Variants in PPM1E observed in about 807,000 individuals in gnomAD.
The protein encoded by PPM1E is protein phosphatase, Mg2+/Mn2+ dependent 1E.
A neutral mutation model predicts 65.9 loss-of-function variants in PPM1E; 20 were observed. The observed-to-expected ratio is 0.30, with a 90% CI of 0.21 to 0.44. PPM1E has a LOEUF of 0.44. PPM1E is among the 20% of genes least tolerant of loss of function. The pLI is 1.00. For synonymous variants in PPM1E, 352 were observed against 374.9 expected (o/e 0.94, Z 0.70); for missense variants, 713 against 953.1 (o/e 0.75, Z 3.32).
intron 1 of PPM1E, among the ~76,000 whole-genome samples, chr17:58,817,668 A>G (rs1359846950): frequency 2.0e-5 from 3 of 152,198 alleles, no homozygotes; most frequent in Non-Finnish European, 4.4e-5. Context: ...GGGACTCCCA[A>G]GCATTCTGAA....
chr17:58,979,023 G>A (rs924626661), intron 6 of PPM1E, among the ~76,000 whole-genome samples: 4 of 152,098 alleles, frequency 2.6e-5, no homozygotes, highest in Non-Finnish European at 5.9e-5. Context: ...TCCCTCAATT[G>A]AGGCAACTTC....
chr17:58,885,316 C>T (rs529776634), intron 1 of PPM1E, among the ~76,000 whole-genome samples: 1 of 152,308 alleles, frequency 6.6e-6, no homozygotes, highest in South Asian at 2.1e-4. Context: ...CTTGCCCTCC[C>T]AAAGTGTTGG....
chr17:58,772,233 G>A (rs911255746), intron 1 of PPM1E, among the ~76,000 whole-genome samples: 3 of 152,026 alleles, frequency 2.0e-5, no homozygotes, highest in Non-Finnish European at 2.9e-5. Flanking sequence ...CCAAGGCAGG[G>A]GATCACAAGG....
intron 1 of PPM1E, among the ~76,000 whole-genome samples, chr17:58,777,508 T>C (rs1306953100): frequency 6.6e-6 from 1 of 152,196 alleles, no homozygotes. Flanking sequence ...TTTCTAAATA[T>C]GACACCAGTA....
chr17:58,840,251 T>C (rs1270279242), intron 1 of PPM1E, among the ~76,000 whole-genome samples: 1 of 152,192 alleles, frequency 6.6e-6, no homozygotes, highest in Admixed American at 6.5e-5. Flanking sequence ...AGAGTTTTTG[T>C]TGGGGCTTGG....
chr17:58,795,172 A>G (rs2050194482), intron 1 of PPM1E, among the ~76,000 whole-genome samples: 1 of 152,144 alleles, frequency 6.6e-6, no homozygotes, highest in African/African-American at 2.4e-5. Context: ...GATTACAGGC[A>G]TGATCCACCA....
chr17:58,969,480 G>A lies in PPM1E; in HGVS notation c.784-59G>A, dbSNP rs765817460. On this transcript the variant is annotated intron_variant, in intron 3 of 6. Transcript: ENST00000308249. ...TGGGCAACAATGATGCCAGGAGATT[G>A]GTTCATTTGAATCATGCTATACCCA... is the stretch of plus-strand genomic sequence containing the variant. The A allele has an allele frequency of 1.7e-5, 25 of 1,507,390 alleles. No homozygotes were observed. In the Middle Eastern group the frequency reaches 6.8e-4, roughly 41 times the overall value. 93.4% of individuals were successfully genotyped at this position (1,507,390 alleles called of 1,614,324 possible). A position where few individuals can be genotyped will look rare whatever the true frequency, so the allele number is the denominator to read the frequency against.
At chr17:58,874,504 A>G (rs914694201) in intron 1 of PPM1E, among the ~76,000 whole-genome samples, 3 of 152,244 alleles carry the variant, frequency 2.0e-5, no homozygotes, top group Non-Finnish European at 4.4e-5. Context: ...ATCTTCCCAG[A>G]TGAAAATTAT....
chr17:58,857,318 A>G (rs567301670), intron 1 of PPM1E, among the ~76,000 whole-genome samples: 2 of 152,114 alleles, frequency 1.3e-5, no homozygotes, highest in African/African-American at 4.8e-5. Flanking sequence ...GTTTTGCTAC[A>G]ATAACAGTGG....
At position 58,985,101 on chromosome 17, in the gene PPM1E, A is replaced by G. The variant is rs1835133026; in HGVS notation, c.*4070A>G. On this transcript the variant is annotated 3_prime_UTR_variant, in exon 7 of 7. Coordinates refer to ENST00000308249, the MANE Select transcript of PPM1E (RefSeq NM_014906.5). ...AGTCATGAGTGATCCTTCATATTTT[A>G]TTAAAAGTGTTCATTCAGGTAAGGT... 6.6e-6 allele frequency: 1 copy of G among 152,666 alleles called. No individual in the cohort carries two copies. The highest frequency in any genetic ancestry group is 2.1e-4 in the South Asian group (1 of 4,832). 9.5% of individuals were successfully genotyped at this position (152,666 alleles called of 1,614,324 possible). A position where few individuals can be genotyped will look rare whatever the true frequency, so the allele number is the denominator to read the frequency against.
intron 1 of PPM1E, among the ~76,000 whole-genome samples, chr17:58,933,799 GAAA>G (rs11316367): frequency 2.3e-5 from 3 of 128,590 alleles, no homozygotes; most frequent in Non-Finnish European, 4.9e-5. Flanking sequence ...TATCTCAAAA[GAAA>G]AAAAAAAAAA....
chr17:58,920,142 CTA>C (rs1050592046), intron 1 of PPM1E, among the ~76,000 whole-genome samples: 25 of 152,138 alleles, frequency 1.6e-4, no homozygotes, highest in Non-Finnish European at 4.4e-5. Context: ...CAAAATGACT[CTA>C]AGATTTTTGG....
intron 1 of PPM1E, among the ~76,000 whole-genome samples, chr17:58,921,518 TACAA>T (rs529014528): frequency 2.7e-4 from 41 of 151,112 alleles, no homozygotes; most frequent in South Asian, 8.4e-4. Context: ...ACTCCATCTC[TACAA>T]ACAAACAAAC....
chr17:58,814,134 A>G (rs1325273758), intron 1 of PPM1E, among the ~76,000 whole-genome samples: 1 of 152,236 alleles, frequency 6.6e-6, no homozygotes, highest in Non-Finnish European at 1.5e-5. Context: ...AGCAGTGAAT[A>G]TTGATTAGGA....
At chr17:58,872,025 T>A (rs1180446062) in intron 1 of PPM1E, among the ~76,000 whole-genome samples, 1 of 152,046 alleles carries the variant, frequency 6.6e-6, no homozygotes, top group African/African-American at 2.4e-5. Flanking sequence ...AGGCTGGGCG[T>A]GGTGGCTCAC....
chr17:58,840,054 G>A (rs1017416248), intron 1 of PPM1E, among the ~76,000 whole-genome samples: 2 of 152,184 alleles, frequency 1.3e-5, no homozygotes, highest in Non-Finnish European at 2.9e-5. Flanking sequence ...TACAATAAAA[G>A]GATACATATT....
intron 1 of PPM1E, among the ~76,000 whole-genome samples, chr17:58,894,001 G>C (rs571282369): frequency 6.6e-6 from 1 of 152,194 alleles, no homozygotes; most frequent in South Asian, 2.1e-4. Flanking sequence ...TTGAGCTCAA[G>C]AGTTCAAGTT....
At chr17:58,836,969 G>A (rs1202787690) in intron 1 of PPM1E, among the ~76,000 whole-genome samples, 4 of 143,388 alleles carry the variant, frequency 2.8e-5, no homozygotes, top group Non-Finnish European at 4.5e-5. Context: ...GCAGTGAGCC[G>A]AGATCCCGCC....
At chr17:58,934,446 A>G (rs529436589) in intron 1 of PPM1E, among the ~76,000 whole-genome samples, 1 of 152,302 alleles carries the variant, frequency 6.6e-6, no homozygotes, top group South Asian at 2.1e-4. Flanking sequence ...CTCTTAAGGA[A>G]CATTCATTCT....
Sources: gnomAD v4.1 joint callset for allele counts (sites outside exome capture counted in the v4.1 genomes callset) on GRCh38, gnomAD v4.1.1 for gene constraint, MANE v1.5 for transcripts, NCBI Gene and HGNC (gene_info 2026-07-23, HGNC 2026-07-21) for gene names.